ZFP64: variants seen among roughly 807,000 people sequenced by gnomAD.
The protein encoded by ZFP64 is zinc finger protein 64.
In ZFP64, 14 loss-of-function variants were observed where a neutral mutation model predicts 51.6. The ratio of observed to expected loss-of-function variants is 0.27; its 90% confidence interval spans 0.18 to 0.42. ZFP64 has a LOEUF of 0.42. ZFP64 is among the 10% of genes least tolerant of loss of function. The pLI is 1.00. For synonymous variants in ZFP64, 375 were observed against 361.4 expected (o/e 1.04, Z -0.43); for missense variants, 754 against 906.8 (o/e 0.83, Z 2.16).
chr20:52,084,279 T>C (rs1403482644), exon 9 of ZFP64: 6 of 447,930 alleles, frequency 1.3e-5, no homozygotes, highest in Admixed American at 3.8e-5. Flanking sequence ...CCCCATTGGA[T>C]AGAGCAGGGC....
chr20:52,092,165 T>G (rs2078934491), intron 7 of ZFP64, among the ~76,000 whole-genome samples: 1 of 152,172 alleles, frequency 6.6e-6, no homozygotes, highest in Non-Finnish European at 1.5e-5. Context: ...AAATGGTGCT[T>G]AAGAAGGAAG....
At chr20:52,111,011 G>C (rs1446140767) in intron 5 of ZFP64, 1 of 1,473,712 alleles carries the variant, frequency 6.8e-7, no homozygotes, top group African/African-American at 1.4e-5. Context: ...ACCGTATCCA[G>C]GGGAAGGGCG....
chr20:52,103,269 C>T (rs1017430211), intron 5 of ZFP64, among the ~76,000 whole-genome samples: 5 of 152,210 alleles, frequency 3.3e-5, no homozygotes, highest in African/African-American at 1.2e-4. Flanking sequence ...AGGAAGTCCA[C>T]TAATTACTTT....
intron 4 of ZFP64, among the ~76,000 whole-genome samples, chr20:52,162,975 C>CTG (rs113783743): frequency 0.26 from 39,827 of 152,094 alleles, 5,381 homozygotes; most frequent in Admixed American, 0.3. Context: ...GGTAGGCTAA[C>CTG]TGTAGAAGAT....
chr20:52,145,824 C>A (rs1045196686), intron 5 of ZFP64, among the ~76,000 whole-genome samples: 1 of 151,880 alleles, frequency 6.6e-6, no homozygotes, highest in Non-Finnish European at 1.5e-5. Flanking sequence ...CTACTGCAGA[C>A]CTTATAAACA....
chr20:52,094,404 T>C (rs1198158747), intron 7 of ZFP64, among the ~76,000 whole-genome samples: 1 of 152,112 alleles, frequency 6.6e-6, no homozygotes, highest in East Asian at 1.9e-4. Context: ...GGGATAAAAA[T>C]ACAAACATAA....
At chr20:52,103,345 C>A (rs1189178052) in intron 5 of ZFP64, among the ~76,000 whole-genome samples, 1 of 152,176 alleles carries the variant, frequency 6.6e-6, no homozygotes, top group Non-Finnish European at 1.5e-5. Context: ...AGTGGCCCAA[C>A]CTTCGTAAAA....
chr20:52,088,843 GA>G (rs2078891590), intron 7 of ZFP64: 1 of 746,314 alleles, frequency 1.3e-6, no homozygotes, highest in Non-Finnish European at 2.2e-6. Flanking sequence ...AATCCTAAGG[GA>G]AAGATGACAT....
intron 2 of ZFP64, chr20:52,175,870 G>A (rs1476953366): frequency 1.8e-4 from 64 of 349,160 alleles, no homozygotes; most frequent in Non-Finnish European, 2.0e-4. Context: ...TGCCGCCCCC[G>A]CCCCCAAAAT....
chr20:52,186,284 G>A (rs1387053542), intron 2 of ZFP64, among the ~76,000 whole-genome samples: 2 of 151,952 alleles, frequency 1.3e-5, no homozygotes, highest in African/African-American at 4.8e-5. Flanking sequence ...AACTTTTATG[G>A]TTTTCTTATG....
At chr20:52,102,049 T>C (rs1430952164) in intron 5 of ZFP64, among the ~76,000 whole-genome samples, 2 of 144,070 alleles carry the variant, frequency 1.4e-5, no homozygotes, top group Non-Finnish European at 3.0e-5. Context: ...GGGGCAGAGG[T>C]TGCAGTGAGC....
chr20:52,120,273 A>G (rs529062827), intron 5 of ZFP64, among the ~76,000 whole-genome samples: 2 of 152,170 alleles, frequency 1.3e-5, no homozygotes, highest in Non-Finnish European at 2.9e-5. Flanking sequence ...GCACTTTGTT[A>G]TAGCAGTTAG....
intron 1 of ZFP64, among the ~76,000 whole-genome samples, chr20:52,188,046 A>G (rs1344659752): frequency 1.3e-5 from 2 of 152,140 alleles, no homozygotes; most frequent in South Asian, 2.1e-4. Context: ...TTGTGATGAA[A>G]AGGGAGCAGA....
intron 2 of ZFP64, among the ~76,000 whole-genome samples, chr20:52,171,960 C>T (rs1007287649): frequency 6.6e-6 from 1 of 152,164 alleles, no homozygotes; most frequent in Admixed American, 6.5e-5. Flanking sequence ...GTTGGCCAGG[C>T]TGGTCTCACA....
intron 8 of ZFP64, among the ~76,000 whole-genome samples, chr20:52,087,564 A>T (rs535233026): frequency 6.6e-6 from 1 of 152,344 alleles, no homozygotes; most frequent in African/African-American, 2.4e-5. Context: ...TATTCCATTC[A>T]TTTCCTATAG....
At chr20:52,088,465 C>A (rs773608495) in exon 8 of ZFP64, 2 of 1,614,138 alleles carry the variant, frequency 1.2e-6, no homozygotes, top group African/African-American at 1.3e-5. Context: ...GGCATTTGTA[C>A]GGCCGCTCAT....
chr20:52,186,844 G>C lies in ZFP64; in HGVS notation c.274C>G (p.Gln92Glu), dbSNP rs761610674. ...GCTCCAGCTGTACCTGTGATTGTCT[G>C]GGTCTCCGAGGTGATGGTTCTGGTG... ...TTTRTITSET[Q>E]TITVSAPEFV... The change falls in exon 2 of 6, where the codon CAG becomes GAG. Residue 92 changes from glutamine to glutamate, a missense_variant. Coordinates refer to ENST00000216923, the MANE Select transcript of ZFP64 (RefSeq NM_018197.3). The C allele has an allele frequency of 1.4e-5, 23 of 1,608,418 alleles. No individual in the cohort carries two copies. The highest frequency in any genetic ancestry group is 2.0e-5 in the Non-Finnish European group (23 of 1,175,498).
At chr20:52,137,432 GA>G (rs898322263) in intron 5 of ZFP64, among the ~76,000 whole-genome samples, 1 of 151,972 alleles carries the variant, frequency 6.6e-6, no homozygotes, top group African/African-American at 2.4e-5. Context: ...GACTACTGAA[GA>G]AAAAAAGATC....
intron 5 of ZFP64, among the ~76,000 whole-genome samples, chr20:52,100,818 C>T (rs2079042628): frequency 6.6e-6 from 1 of 152,122 alleles, no homozygotes; most frequent in Non-Finnish European, 1.5e-5. Context: ...GATTACATGC[C>T]TCAGAGTTGC....
Sources: gnomAD v4.1 joint callset for allele counts (sites outside exome capture counted in the v4.1 genomes callset) on GRCh38, gnomAD v4.1.1 for gene constraint, MANE v1.5 for transcripts, NCBI Gene and HGNC (gene_info 2026-07-23, HGNC 2026-07-21) for gene names.